The following IDE variants were observed in gnomAD, a reference collection of about 807,000 sequenced individuals.
IDE encodes insulin degrading enzyme, also known as insulin-degrading enzyme.
Under a neutral mutation model 133.2 loss-of-function variants are expected in IDE, and 58 were observed. That is an observed-to-expected ratio of 0.44 (90% CI 0.35 to 0.54). IDE has a LOEUF of 0.54. Among genes scored for constraint, IDE ranks in the 20% least tolerant of loss-of-function variants. The probability of loss-of-function intolerance (pLI) is 0.00; values close to 1 mark genes in which losing one functional copy is unlikely to be tolerated. For synonymous variants in IDE, 396 were observed against 421.3 expected (o/e 0.94, Z 0.73); for missense variants, 981 against 1,234.0 (o/e 0.79, Z 3.07).
chr10:92,482,973 G>A (rs1192264346), intron 14 of IDE, among the ~76,000 whole-genome samples: 1 of 151,782 alleles, frequency 6.6e-6, no homozygotes, highest in African/African-American at 2.4e-5. Context: ...GTAGAGACGG[G>A]GTTTCACCGT....
intron 22 of IDE, among the ~76,000 whole-genome samples, chr10:92,459,314 T>G (rs1048938115): frequency 2.0e-5 from 3 of 152,198 alleles, no homozygotes; most frequent in Non-Finnish European, 4.4e-5. Flanking sequence ...AGTGGTGAAT[T>G]AAATAAACAT....
At position 92,531,811 on chromosome 10, in the gene IDE, T is replaced by C. The variant is rs1188230076; in HGVS notation, c.598A>G (p.Arg200Gly). 6.2e-7 allele frequency: 1 copy of C among 1,610,302 alleles called. No homozygotes were observed. The highest frequency in any genetic ancestry group is 1.7e-5 in the Admixed American group (1 of 59,846). Residue 200 changes from arginine to glycine, a missense_variant, in exon 4 of 25, where the codon AGA (arginine) becomes GGA (glycine). Physicochemically the swap from Arg to Gly is moderately radical, Grantham distance 125. Coordinates refer to ENST00000265986, the MANE Select transcript of IDE (RefSeq NM_004969.4). ...GTAGCTTTTTCCAATTGAAAGAGTC[T>C]CCAGGCATCATTCATCACATTCTTC... ...HEKNVMNDAW[R>G]LFQLEKATGN... is the part of the protein sequence containing the mutation.
intron 22 of IDE, among the ~76,000 whole-genome samples, chr10:92,458,805 CTCTT>C (rs1157726338): frequency 6.6e-6 from 1 of 151,734 alleles, no homozygotes; most frequent in Non-Finnish European, 1.5e-5. Context: ...CAGCCCCTCT[CTCTT>C]TTTTTTGAAA....
intron 1 of IDE, among the ~76,000 whole-genome samples, chr10:92,540,117 C>T (rs1054092953): frequency 1.3e-5 from 2 of 152,018 alleles, no homozygotes; most frequent in African/African-American, 4.8e-5. Flanking sequence ...GTGGCGGGTG[C>T]CTGTAATCCC....
intron 1 of IDE, among the ~76,000 whole-genome samples, chr10:92,555,194 G>A (rs1349020022): frequency 2.0e-5 from 3 of 152,116 alleles, no homozygotes; most frequent in Non-Finnish European, 2.9e-5. Flanking sequence ...GTATTGTGAT[G>A]ATATAGAAAA....
chr10:92,487,663 C>T (rs1375782614), intron 12 of IDE, among the ~76,000 whole-genome samples: 1 of 152,198 alleles, frequency 6.6e-6, no homozygotes, highest in Non-Finnish European at 1.5e-5. Flanking sequence ...GGAGAATAAT[C>T]TGCTCAGGAA....
intron 1 of IDE, among the ~76,000 whole-genome samples, chr10:92,548,554 A>T (rs891909547): frequency 2.0e-5 from 3 of 152,104 alleles, no homozygotes; most frequent in Non-Finnish European, 4.4e-5. Context: ...TGGTAACTTG[A>T]TTATTATAAA....
chr10:92,526,600 C>T (rs1849634363), intron 4 of IDE, among the ~76,000 whole-genome samples: 1 of 151,994 alleles, frequency 6.6e-6, no homozygotes, highest in African/African-American at 2.4e-5. Flanking sequence ...AACCCTAGCA[C>T]TTTGGGAAGC....
At chr10:92,531,535 C>T (rs529206163) in intron 4 of IDE, among the ~76,000 whole-genome samples, 1 of 152,138 alleles carries the variant, frequency 6.6e-6, no homozygotes. Flanking sequence ...CTGCTCTGCT[C>T]CTTAAACGTT....
chr10:92,545,778 TAAAAAG>T (rs913553633), intron 1 of IDE, among the ~76,000 whole-genome samples: 1 of 152,102 alleles, frequency 6.6e-6, no homozygotes, highest in Admixed American at 6.6e-5. Flanking sequence ...CCAGAATGGC[TAAAAAG>T]AAAAAGAGGG....
chr10:92,572,296 A>T (rs1843822785), intron 1 of IDE, among the ~76,000 whole-genome samples: 1 of 152,232 alleles, frequency 6.6e-6, no homozygotes, highest in South Asian at 2.1e-4. Flanking sequence ...GACACAAAAG[A>T]GGACAAAAGG....
At chr10:92,570,929 A>C (rs566784044) in intron 1 of IDE, among the ~76,000 whole-genome samples, 13 of 151,948 alleles carry the variant, frequency 8.6e-5, no homozygotes, top group African/African-American at 3.1e-4. Flanking sequence ...CTTTAAAAAA[A>C]AGAAAACATA....
chr10:92,549,717 A>G (rs1427388222), intron 1 of IDE, among the ~76,000 whole-genome samples: 1 of 151,746 alleles, frequency 6.6e-6, no homozygotes, highest in Non-Finnish European at 1.5e-5. Context: ...TATATATTAT[A>G]CATATATATA....
rs368031437 is a variant in IDE at position 92,504,820 on chromosome 10, G to A, written c.1404C>T (p.Leu468=). Residue 468 remains leucine (L), a synonymous_variant, in exon 11 of 25, where the codon CTC becomes CTT. Coordinates refer to ENST00000265986, the MANE Select transcript of IDE (RefSeq NM_004969.4). ...GGACATTTTCTGGTCTGAGTTTATC[G>A]AGAACCATCTCTATTAAGTCAGGTC... ...EFRPDLIEMV[L]DKLRPENVRV... is the part of the protein sequence containing the mutation. The A allele has an allele frequency of 3.8e-6, 6 of 1,592,158 alleles. No individual in the cohort carries two copies. The highest frequency in any genetic ancestry group is 2.7e-5 in the African/African-American group (2 of 74,068).
rs76134252 is a variant in IDE, at chr10:92,518,587, A to G, written c.662-3545T>C. On this transcript the variant is annotated intron_variant, in intron 4 of 24. Transcript: ENST00000265986. ...AGTAATTCCACTCCTGGATATATGT[A>G]TCCAGAGAAGTCTGTGTACAAGGAG... Among the ~76,000 whole-genome samples the G allele has an allele frequency of 1.9e-3, 292 of 152,348 alleles. 1 individual carries two copies. Among genetic ancestry groups the G allele is most frequent in the African/African-American group, 6.8e-3 (282 of 41,584 alleles).
chr10:92,573,938 G>T lies in IDE; in HGVS notation c.82C>A (p.Pro28Thr). Reference sequence around the variant, plus strand: ...TCCGCTTACCCACACAGGCGCTCCGGAGGCGGCAGGCGGGCGCCGAGGACT... The same window carrying T: ...TCCGCTTACCCACACAGGCGCTCCGTAGGCGGCAGGCGGGCGCCGAGGACT... Reference protein sequence around the residue: ...RSVLGARLPPPERLCGFQKKT... With the variant: ...RSVLGARLPPTERLCGFQKKT... Residue 28 changes from proline to threonine, a missense_variant, in exon 1 of 25, where the codon CCG (proline) becomes ACG (threonine). Coordinates refer to ENST00000265986, the MANE Select transcript of IDE (RefSeq NM_004969.4). 1 of 1,469,460 alleles carries T rather than the reference G, an allele frequency of 6.8e-7. No individual in the cohort carries two copies. The highest frequency in any genetic ancestry group is 3.0e-5 in the East Asian group (1 of 33,714). 91.0% of individuals were successfully genotyped at this position (1,469,460 alleles called of 1,614,324 possible).
chr10:92,561,670 G>A (rs1050220690), intron 1 of IDE, among the ~76,000 whole-genome samples: 1 of 152,058 alleles, frequency 6.6e-6, no homozygotes, highest in African/African-American at 2.4e-5. Flanking sequence ...GCTGAGGCAG[G>A]AGAATGGCTT....
chr10:92,547,223 G>A (rs898828690), intron 1 of IDE, among the ~76,000 whole-genome samples: 1 of 149,926 alleles, frequency 6.7e-6, no homozygotes, highest in Non-Finnish European at 1.5e-5. Context: ...ACAGGCATAC[G>A]CCACCATGCC....
At position 92,531,837 on chromosome 10, in the gene IDE, T is replaced by C; in HGVS notation, c.572A>G (p.Glu191Gly). The change falls in exon 4 of 25, where the codon GAG becomes GGG. Residue 191 changes from glutamate to glycine, a missense_variant. This residue lies in a region of IDE where 321 missense variants were observed against 339.3 expected (regional missense o/e 0.95). Transcript: ENST00000265986. ...CCAGGCATCATTCATCACATTCTTC[T>C]CATGTTCTGAATCAACTGCATTCAC... ...REVNAVDSEH[E>G]KNVMNDAWRL... The C allele has an allele frequency of 6.2e-7, 1 of 1,604,324 alleles. No individual in the cohort carries two copies. The highest frequency in any genetic ancestry group is 8.5e-7 in the Non-Finnish European group (1 of 1,173,922).
Sources: gnomAD v4.1 joint callset for allele counts (sites outside exome capture counted in the v4.1 genomes callset) on GRCh38, gnomAD v4.1.1 for gene constraint, gnomAD v4.1.1 regional missense constraint, MANE v1.5 for transcripts, NCBI Gene and HGNC (gene_info 2026-07-23, HGNC 2026-07-21) for gene names.